GDPD1: variants seen among roughly 807,000 people sequenced by gnomAD.
The protein encoded by GDPD1 is glycerophosphodiester phosphodiesterase domain containing 1.
GDPD1 carries 28 observed loss-of-function variants against 45.1 expected under a neutral mutation model. The observed-to-expected ratio is 0.62, with a 90% CI of 0.46 to 0.85. GDPD1 has a LOEUF of 0.85. Among genes scored for constraint, GDPD1 ranks in the 40% least tolerant of loss-of-function variants. The pLI is 0.00. For synonymous variants in GDPD1, 139 were observed against 131.4 expected, an observed-to-expected ratio of 1.06 and a Z score of -0.40; for missense variants, 256 against 364.8, an observed-to-expected ratio of 0.70 and a Z score of 2.43.
chr17:59,257,325 A>T (rs955229112), intron 5 of GDPD1, 85 bp downstream of exon 5: 9 of 696,414 alleles, frequency 1.3e-5, no homozygotes, highest in Non-Finnish European at 2.0e-5. Flanking sequence ...GCATAGATTG[A>T]TAATGCTCAA....
chr17:59,240,301 AT>A (rs1337419828), intron 2 of GDPD1, among the ~76,000 whole-genome samples: 2 of 151,816 alleles, frequency 1.3e-5, no homozygotes, highest in African/African-American at 4.9e-5. Context: ...AAAAAAAAAA[AT>A]AAGAAGTTTA....
chr17:59,225,669 A>G (rs1423311585), intron 1 of GDPD1, among the ~76,000 whole-genome samples: 1 of 151,844 alleles, frequency 6.6e-6, no homozygotes, highest in Non-Finnish European at 1.5e-5. Context: ...CAAATACCCA[A>G]TTCCTTAACA....
chr17:59,270,388 G>A (rs967668829), intron 7 of GDPD1, among the ~76,000 whole-genome samples: 2 of 151,612 alleles, frequency 1.3e-5, no homozygotes, highest in Non-Finnish European at 2.9e-5. Flanking sequence ...GAGACGGGGG[G>A]GGGTTTCACT....
At chr17:59,232,836 G>A (rs1430527216) in intron 1 of GDPD1, among the ~76,000 whole-genome samples, 2 of 152,024 alleles carry the variant, frequency 1.3e-5, no homozygotes, top group East Asian at 3.9e-4. Context: ...CTCACTCCTA[G>A]AGAACCCACT....
In GDPD1 at chr17:59,220,564, A is replaced by C; in HGVS notation, c.-46A>C. On this transcript the variant is annotated 5_prime_UTR_variant, in exon 1 of 10. Coordinates refer to ENST00000284116, the MANE Select transcript of GDPD1 (RefSeq NM_182569.4). ...GCCGTCGTTGCTACTGCCGCAGCGGAGTTCAGAGGGCCCGGAGGTGGGAGA... is the reference window on the plus strand; with the variant it reads ...GCCGTCGTTGCTACTGCCGCAGCGGCGTTCAGAGGGCCCGGAGGTGGGAGA... 1.3e-6 allele frequency: 2 copies of C among 1,590,246 alleles called. No individual in the cohort carries two copies. The highest frequency in any genetic ancestry group is 1.7e-6 in the Non-Finnish European group (2 of 1,166,852).
rs1491153591 is a variant in GDPD1 at position 59,255,814 on chromosome 17, CGT to C, written c.368-1307_368-1306del. Among the ~76,000 whole-genome samples the C allele has an allele frequency of 1.8e-4, 10 of 54,254 alleles. 1 individual carries two copies. The highest frequency in any genetic ancestry group is 1.4e-3 in the East Asian group (3 of 2,176). The allele number at this position is 54,254 out of a possible 152,430, so 35.6% of individuals were successfully genotyped here. A position where few individuals can be genotyped will look rare whatever the true frequency, so the allele number is the denominator to read the frequency against. ...GTATATATGTATATATATATATACG[CGT>C]ATATATATATACGCGTATATATATA... On this transcript the variant is annotated intron_variant, in intron 4 of 9. Transcript: ENST00000284116.
At chr17:59,243,668 G>A (rs547544285) in intron 2 of GDPD1, among the ~76,000 whole-genome samples, 24 of 152,198 alleles carry the variant, frequency 1.6e-4, no homozygotes, top group Non-Finnish European at 3.2e-4. Context: ...CTCCATCATC[G>A]TACCTATTTT....
Position 59,220,714 on chromosome 17 carries a change from G to A in GDPD1, c.105G>A (p.Lys35=), listed in dbSNP as rs61732655. 3.8e-4 allele frequency: 611 copies of A among 1,614,142 alleles called. 2 individuals are homozygous for A. In the African/African-American group the frequency reaches 6.6e-3, roughly 18 times the overall value. The change falls in exon 1 of 10, where the codon AAG becomes AAA. Residue 35 remains lysine (K), a synonymous_variant. Transcript: ENST00000284116. ...KYPTLLHQRK[K]QRFLSKHISH... ...CGACCTTGCTGCACCAGAGAAAGAA[G>A]CAGCGATTCCTCAGTAAACACATCT... is the stretch of plus-strand genomic sequence containing the variant.
At chr17:59,235,154 G>A (rs939250466) in intron 2 of GDPD1, among the ~76,000 whole-genome samples, 3 of 151,896 alleles carry the variant, frequency 2.0e-5, no homozygotes, top group Admixed American at 1.3e-4. Context: ...TGAGAACACT[G>A]TTTTTCCTGA....
chr17:59,239,881 T>A (rs2047162257), intron 2 of GDPD1, among the ~76,000 whole-genome samples: 1 of 151,750 alleles, frequency 6.6e-6, no homozygotes, highest in Admixed American at 6.6e-5. Flanking sequence ...CTACAGGGCA[T>A]GCCTCCATGC....
chr17:59,235,239 T>G (rs2047122626), intron 2 of GDPD1, among the ~76,000 whole-genome samples: 1 of 152,112 alleles, frequency 6.6e-6, no homozygotes, highest in South Asian at 2.1e-4. Flanking sequence ...AGGTCCATAT[T>G]TAGTAAGATA....
chr17:59,254,136 C>T lies in GDPD1; in HGVS notation c.368-2986C>T, dbSNP rs147764187. On this transcript the variant is annotated intron_variant, in intron 4 of 9. Transcript: ENST00000284116. The stretch of plus-strand genomic sequence containing the variant: ...CAGCACTTTGGGAGGCTGAGACAGG[C>T]GGATCACCTGAGATTGGGAGTTCAA... Among the ~76,000 whole-genome samples the T allele has an allele frequency of 6.2e-3, 929 of 150,710 alleles. 6 individuals are homozygous for T. The highest frequency in any genetic ancestry group is 0.021 in the African/African-American group (872 of 41,050).
At position 59,235,882 on chromosome 17, in the gene GDPD1, T is replaced by A. The variant is rs533466199; in HGVS notation, c.185+1348T>A. Among the ~76,000 whole-genome samples the A allele has an allele frequency of 6.1e-3, 926 of 152,238 alleles. 5 individuals carry two copies. Among genetic ancestry groups the A allele is most frequent in the Non-Finnish European group, 8.5e-3 (576 of 68,018 alleles). ...GACCATGAAATGGACTATTTTAATT[T>A]AAATACTTTATTTATTTTCTCTACT... On this transcript the variant is annotated intron_variant, in intron 2 of 9. Coordinates refer to ENST00000284116, the MANE Select transcript of GDPD1 (RefSeq NM_182569.4).
At chr17:59,273,556 TA>T in intron 9 of GDPD1, 94 bp from the exon 10 acceptor site, 1 of 573,020 alleles carries the variant, frequency 1.7e-6, no homozygotes, top group Non-Finnish European at 2.9e-6. Context: ...AGGTTATTTC[TA>T]AATGTACCAA....
At chr17:59,246,857 T>C (rs1467230766) in intron 3 of GDPD1, among the ~76,000 whole-genome samples, 1 of 150,886 alleles carries the variant, frequency 6.6e-6, no homozygotes, top group Admixed American at 6.6e-5. Context: ...AACCTCTGCC[T>C]CCCAGGTTCA....
At chr17:59,239,310 GTTTC>G (rs1221361657) in intron 2 of GDPD1, among the ~76,000 whole-genome samples, 7 of 152,186 alleles carry the variant, frequency 4.6e-5, no homozygotes, top group African/African-American at 1.7e-4. Context: ...TTTCTGTGGA[GTTTC>G]TTTCACATTT....
At chr17:59,231,542 G>A (rs1356267274) in intron 1 of GDPD1, among the ~76,000 whole-genome samples, 1 of 151,544 alleles carries the variant, frequency 6.6e-6, no homozygotes, top group Non-Finnish European at 1.5e-5. Flanking sequence ...TAGCCAGGAT[G>A]GTCTCAATCT....
chr17:59,260,060 C>CAA (rs56936442), intron 6 of GDPD1, among the ~76,000 whole-genome samples: 298 of 25,852 alleles, frequency 0.012, 105 homozygotes, highest in Middle Eastern at 0.038. Context: ...GACCCTGTCT[C>CAA]AAAAAAAAAA....
At chr17:59,269,371 G>GT (rs1357000826) in intron 7 of GDPD1, among the ~76,000 whole-genome samples, 1 of 151,654 alleles carries the variant, frequency 6.6e-6, no homozygotes, top group Non-Finnish European at 1.5e-5. Flanking sequence ...TCCAATTTCA[G>GT]TATCTTAGTG....
Sources: allele counts gnomAD v4.1 joint callset (sites outside exome capture counted in the v4.1 genomes callset), GRCh38; gene constraint gnomAD v4.1.1; transcripts MANE v1.5; gene names NCBI Gene and HGNC (gene_info 2026-07-23, HGNC 2026-07-21).